ERC2: variants seen among roughly 807,000 people sequenced by gnomAD.
The protein encoded by ERC2 is ERC protein 2.
Under a neutral mutation model 114.8 loss-of-function variants are expected in ERC2, and 42 were observed. The ratio of observed to expected loss-of-function variants is 0.37; its 90% CI spans 0.29 to 0.47. The LOEUF is 0.47. ERC2 is among the 20% of genes least tolerant of loss of function. The pLI is 0.99. For synonymous variants in ERC2, 454 were observed against 425.5 expected, an observed-to-expected ratio of 1.07 and a Z score of -0.82; for missense variants, 939 against 1,150.7, an observed-to-expected ratio of 0.82 and a Z score of 2.66.
rs2061807984 is a variant in ERC2, at chr3:55,856,829, G to T, written c.2564+31560C>A. 2.0e-5 allele frequency among the ~76,000 whole-genome samples: 3 copies of T among 152,086 alleles called. No individual in the cohort carries two copies. The South Asian group carries it at 6.2e-4, about 32-fold the overall frequency. On this transcript the variant is annotated intron_variant, in intron 14 of 17. Transcript: ENST00000288221. ...TATCTGTTCAATAGAATATTATTTG[G>T]CAATAAAAAGAAATGAAGCATTAAT...
intron 6 of ERC2, among the ~76,000 whole-genome samples, chr3:56,110,637 TG>T (rs1284456946): frequency 1.2e-4 from 18 of 152,208 alleles, no homozygotes; most frequent in African/African-American, 4.3e-4. Context: ...AAAATTATGA[TG>T]GATTTAAGCA....
Position 55,632,181 on chromosome 3 carries a change from G to A in ERC2, c.*39+51613C>T, listed in dbSNP as rs867073032. Among the ~76,000 whole-genome samples, 155 of 152,318 alleles carry A rather than the reference G, an allele frequency of 1.0e-3. 1 individual carries two copies. Among genetic ancestry groups the A allele is most frequent in the African/African-American group, 3.6e-3 (148 of 41,578 alleles). On this transcript the variant is annotated intron_variant, in intron 17 of 17. Coordinates refer to ENST00000288221, the MANE Select transcript of ERC2 (RefSeq NM_015576.3). ...GTTCCCTCTATGCACACCAGCAGGG[G>A]AAGTCTTGATCCTTTGGCCAAACAG... is the stretch of plus-strand genomic sequence containing the variant.
chr3:56,137,307 T>C (rs957566754), intron 6 of ERC2, among the ~76,000 whole-genome samples: 3 of 152,198 alleles, frequency 2.0e-5, no homozygotes, highest in African/African-American at 7.2e-5. Flanking sequence ...ACTTTATCGG[T>C]AATCCTGGTA....
intron 7 of ERC2, among the ~76,000 whole-genome samples, chr3:56,023,155 G>A (rs1474885571): frequency 6.6e-6 from 1 of 152,130 alleles, no homozygotes; most frequent in Non-Finnish European, 1.5e-5. Context: ...AGGGACCATT[G>A]ACTAACAGCC....
At chr3:55,621,973 T>C (rs778272857) in intron 17 of ERC2, among the ~76,000 whole-genome samples, 2 of 152,196 alleles carry the variant, frequency 1.3e-5, no homozygotes, top group Non-Finnish European at 2.9e-5. Context: ...ACATAAGCTA[T>C]TTCCTTTCTT....
intron 14 of ERC2, among the ~76,000 whole-genome samples, chr3:55,877,017 T>A (rs2062881505): frequency 6.6e-6 from 1 of 152,146 alleles, no homozygotes; most frequent in Non-Finnish European, 1.5e-5. Context: ...TGAAAATAAG[T>A]CAAGTTAAAT....
chr3:56,052,968 G>C (rs1236702294), intron 7 of ERC2, among the ~76,000 whole-genome samples: 1 of 152,136 alleles, frequency 6.6e-6, no homozygotes, highest in Non-Finnish European at 1.5e-5. Context: ...TGTGAAGAAA[G>C]GTAGTCAGGT....
At chr3:56,446,298 T>C (rs1297733222) in intron 1 of ERC2, among the ~76,000 whole-genome samples, 1 of 152,118 alleles carries the variant, frequency 6.6e-6, no homozygotes, top group African/African-American at 2.4e-5. Context: ...TCCAGGCTGG[T>C]GATTGGGACT....
intron 1 of ERC2, chr3:56,467,010 A>C (rs1019574180): frequency 6.6e-6 from 1 of 152,170 alleles, no homozygotes; most frequent in Non-Finnish European, 1.5e-5. Context: ...TACAACTAAT[A>C]ATCAGGGGGG....
intron 13 of ERC2, 56 bp from the exon 14 acceptor site, chr3:55,888,605 T>C: frequency 6.3e-7 from 1 of 1,596,570 alleles, no homozygotes; most frequent in South Asian, 1.1e-5. Flanking sequence ...GCACAAGACA[T>C]CCCTTGTTAG....
intron 14 of ERC2, among the ~76,000 whole-genome samples, chr3:55,736,228 T>C (rs1157904153): frequency 6.6e-6 from 1 of 152,204 alleles, no homozygotes; most frequent in Non-Finnish European, 1.5e-5. Context: ...TCCAGACCTT[T>C]TATTGATGCT....
At chr3:55,844,886 C>CT (rs900010317) in intron 14 of ERC2, among the ~76,000 whole-genome samples, 4 of 152,144 alleles carry the variant, frequency 2.6e-5, no homozygotes, top group African/African-American at 9.7e-5. Context: ...CAGTCCCCAG[C>CT]TTTTTTTGGC....
At chr3:56,005,260 T>A (rs2072389337) in intron 10 of ERC2, among the ~76,000 whole-genome samples, 1 of 152,022 alleles carries the variant, frequency 6.6e-6, no homozygotes, top group Non-Finnish European at 1.5e-5. Context: ...CAACCATATT[T>A]GTTACTTTAA....
intron 2 of ERC2, among the ~76,000 whole-genome samples, chr3:56,352,457 C>T (rs975671385): frequency 6.6e-6 from 1 of 152,084 alleles, no homozygotes; most frequent in Non-Finnish European, 1.5e-5. Flanking sequence ...ACAGAGGACA[C>T]AGGACAAGAT....
At chr3:56,004,600 G>A (rs995288197) in intron 10 of ERC2, among the ~76,000 whole-genome samples, 2 of 151,930 alleles carry the variant, frequency 1.3e-5, no homozygotes, top group African/African-American at 4.8e-5. Flanking sequence ...TTGTTTACAA[G>A]ACAAAAATAA....
intron 2 of ERC2, among the ~76,000 whole-genome samples, chr3:56,408,180 C>A (rs946903446): frequency 1.2e-4 from 19 of 152,208 alleles, no homozygotes; most frequent in African/African-American, 4.3e-4. Flanking sequence ...ACCCCAGCAG[C>A]TTCCCAGCAC....
At chr3:55,906,431 C>CAAAA (rs368262866) in intron 13 of ERC2, among the ~76,000 whole-genome samples, 1 of 67,956 alleles carries the variant, frequency 1.5e-5, no homozygotes, top group East Asian at 4.9e-4. Flanking sequence ...GACTCTGTCT[C>CAAAA]AAAAAAAAAA....
chr3:55,702,152 T>A (rs1220515443), intron 15 of ERC2, among the ~76,000 whole-genome samples: 1 of 152,226 alleles, frequency 6.6e-6, no homozygotes, highest in Non-Finnish European at 1.5e-5. Flanking sequence ...GTCCTAAATG[T>A]GTCTGCTAAA....
chr3:56,448,844 G>C (rs1030166193), intron 1 of ERC2, among the ~76,000 whole-genome samples: 1 of 152,140 alleles, frequency 6.6e-6, no homozygotes, highest in African/African-American at 2.4e-5. Context: ...GGGAGGCCAA[G>C]GCAGGTGGAT....
Sources: gnomAD v4.1 joint callset for allele counts (sites outside exome capture counted in the v4.1 genomes callset) on GRCh38, gnomAD v4.1.1 for gene constraint, MANE v1.5 for transcripts, NCBI Gene and HGNC (gene_info 2026-07-23, HGNC 2026-07-21) for gene names.